TNIK: variants seen among roughly 807,000 people sequenced by gnomAD.
TNIK encodes TRAF2 and NCK interacting kinase.
TNIK carries 49 observed loss-of-function variants against 191.3 expected under a neutral mutation model. The ratio of observed to expected loss-of-function variants is 0.26; its 90% CI spans 0.20 to 0.32. TNIK has a LOEUF of 0.32. TNIK is among the 10% of genes least tolerant of loss of function. The pLI is 1.00. For missense variants in TNIK, 1,155 were observed against 1,702.3 expected, an observed-to-expected ratio of 0.68 and a Z score of 5.66; for synonymous variants, 594 against 600.9, an observed-to-expected ratio of 0.99 and a Z score of 0.17.
intron 1 of TNIK, among the ~76,000 whole-genome samples, chr3:171,448,614 G>A (rs1727802844): frequency 6.9e-6 from 1 of 144,164 alleles, no homozygotes; most frequent in Non-Finnish European, 1.5e-5. Context: ...AGTTCTCTTG[G>A]GCATATACTT....
At chr3:171,346,921 C>G (rs73879538) in intron 2 of TNIK, 2 of 447,416 alleles carry the variant, frequency 4.5e-6, no homozygotes, top group African/African-American at 4.1e-5. Context: ...AGGTTTTAAA[C>G]AGGAGAGAGA....
chr3:171,232,072 G>A (rs1743722676), intron 2 of TNIK, among the ~76,000 whole-genome samples: 1 of 152,002 alleles, frequency 6.6e-6, no homozygotes, highest in African/African-American at 2.4e-5. Context: ...GCAACGAAGG[G>A]GATGTTATTG....
intron 2 of TNIK, among the ~76,000 whole-genome samples, chr3:171,291,538 A>G (rs1751686714): frequency 6.6e-6 from 1 of 152,122 alleles, no homozygotes; most frequent in African/African-American, 2.4e-5. Context: ...CATTCCCCCA[A>G]ACCTTCTAGA....
At chr3:171,118,337 C>G (rs552705531) in intron 18 of TNIK, among the ~76,000 whole-genome samples, 1 of 152,172 alleles carries the variant, frequency 6.6e-6, no homozygotes, top group Non-Finnish European at 1.5e-5. Flanking sequence ...TAGGAAGAAT[C>G]AATATCGTGA....
intron 11 of TNIK, among the ~76,000 whole-genome samples, chr3:171,160,833 A>G (rs1009434665): frequency 9.2e-5 from 14 of 152,320 alleles, no homozygotes; most frequent in Admixed American, 5.9e-4. Flanking sequence ...CAATGAAAAT[A>G]CCAAGGCATG....
intron 1 of TNIK, among the ~76,000 whole-genome samples, chr3:171,429,836 A>G (rs1012235075): frequency 1.3e-5 from 2 of 152,118 alleles, no homozygotes; most frequent in African/African-American, 4.8e-5. Context: ...TTTCACATAC[A>G]TTCTAACCAA....
At chr3:171,102,638 A>G (rs898456616) in intron 21 of TNIK, among the ~76,000 whole-genome samples, 2 of 152,174 alleles carry the variant, frequency 1.3e-5, no homozygotes, top group South Asian at 2.1e-4. Context: ...ATTTCTCCCT[A>G]TATTAGTGAC....
intron 15 of TNIK, among the ~76,000 whole-genome samples, chr3:171,136,298 T>A (rs1470838768): frequency 1.3e-5 from 2 of 152,336 alleles, no homozygotes; most frequent in Non-Finnish European, 2.9e-5. Context: ...CTTGTAAAGA[T>A]GCATGAGTTC....
intron 1 of TNIK, among the ~76,000 whole-genome samples, chr3:171,401,485 A>T (rs771528190): frequency 1.4e-4 from 21 of 152,158 alleles, no homozygotes; most frequent in Non-Finnish European, 3.1e-4. Flanking sequence ...TAGGTGTAAG[A>T]GCAGGAAACT....
At chr3:171,187,367 T>C (rs1339911570) in intron 7 of TNIK, among the ~76,000 whole-genome samples, 1 of 152,222 alleles carries the variant, frequency 6.6e-6, no homozygotes, top group Non-Finnish European at 1.5e-5. Flanking sequence ...GTCAGGTTAT[T>C]ACAGTGACTA....
chr3:171,309,790 G>T (rs145082523), intron 2 of TNIK, among the ~76,000 whole-genome samples: 37 of 152,182 alleles, frequency 2.4e-4, no homozygotes, highest in African/African-American at 8.2e-4. Flanking sequence ...CACACAAGCA[G>T]CTGGGTGTCT....
chr3:171,293,188 T>C (rs1751881864), intron 2 of TNIK, among the ~76,000 whole-genome samples: 2 of 152,210 alleles, frequency 1.3e-5, no homozygotes, highest in South Asian at 4.1e-4. Context: ...ACAAATATCC[T>C]GATTAACAAA....
intron 22 of TNIK, among the ~76,000 whole-genome samples, chr3:171,099,833 A>G (rs1365071151): frequency 6.6e-6 from 1 of 152,154 alleles, no homozygotes; most frequent in East Asian, 1.9e-4. Context: ...CTTTAAAGGT[A>G]GGAGGGTGAA....
intron 3 of TNIK, among the ~76,000 whole-genome samples, chr3:171,220,241 G>T (rs1032210201): frequency 3.9e-5 from 6 of 152,214 alleles, no homozygotes; most frequent in Admixed American, 6.5e-5. Context: ...GGGGCCTGTC[G>T]TGGGGTGGCG....
At position 171,082,339 on chromosome 3, in the gene TNIK, C is replaced by T. The variant is rs55899038; in HGVS notation, c.3225G>A (p.Gly1075=). The T allele has an allele frequency of 6.7e-4, 1,089 of 1,613,870 alleles. No individual in the cohort carries two copies. Among genetic ancestry groups the T allele is most frequent in the Middle Eastern group, 8.2e-4 (5 of 6,062 alleles). ...ENGLMLLDRS[G]QGKVYNLINR... The stretch of plus-strand genomic sequence containing the variant: ...TGATCAGATTATAGACTTTGCCTTG[C>T]CCACTTCGGTCCAAAAGCATCAGGC... Residue 1075 remains glycine (G), a synonymous_variant, in exon 27 of 33, where the codon GGG becomes GGA. Transcript: ENST00000436636.
At chr3:171,418,917 C>T (rs992944737) in intron 1 of TNIK, among the ~76,000 whole-genome samples, 2 of 152,124 alleles carry the variant, frequency 1.3e-5, no homozygotes, top group Non-Finnish European at 2.9e-5. Context: ...AGCTAGAAAT[C>T]CCAGATTGAG....
intron 1 of TNIK, among the ~76,000 whole-genome samples, chr3:171,416,103 GC>G (rs1444604797): frequency 6.6e-6 from 1 of 150,902 alleles, no homozygotes; most frequent in Non-Finnish European, 1.5e-5. Flanking sequence ...GTTGCCTAAG[GC>G]AATTTCATCG....
At chr3:171,109,714 T>C (rs1725547444) in intron 19 of TNIK, among the ~76,000 whole-genome samples, 1 of 152,190 alleles carries the variant, frequency 6.6e-6, no homozygotes, top group Admixed American at 6.5e-5. Context: ...CAAAATTATC[T>C]TCTGAAGAAG....
chr3:171,160,151 G>C (rs1205976481), intron 11 of TNIK, among the ~76,000 whole-genome samples: 1 of 152,128 alleles, frequency 6.6e-6, no homozygotes, highest in Non-Finnish European at 1.5e-5. Flanking sequence ...AGCTAAACCG[G>C]GGACGGCCAA....
Sources: allele counts gnomAD v4.1 joint callset (sites outside exome capture counted in the v4.1 genomes callset), GRCh38; gene constraint gnomAD v4.1.1; transcripts MANE v1.5; gene names NCBI Gene and HGNC (gene_info 2026-07-23, HGNC 2026-07-21).